ANKRD31: variants seen among roughly 807,000 people sequenced by gnomAD.
ANKRD31 encodes the protein ankyrin repeat domain 31, also known as ankyrin repeat domain-containing protein 31.
A neutral mutation model predicts 186.0 loss-of-function variants in ANKRD31; 147 were observed. The observed-to-expected ratio is 0.79, with a 90% CI of 0.69 to 0.91. The LOEUF (loss-of-function observed/expected upper bound fraction) is 0.91, where lower values mean the gene tolerates loss of function less well. Ranked by LOEUF, ANKRD31 falls within the 40% of genes least tolerant of loss-of-function variation. The probability of loss-of-function intolerance (pLI) is 0.00; values close to 1 mark genes in which losing one functional copy is unlikely to be tolerated. For missense variants in ANKRD31, 1,986 were observed against 2,148.8 expected (o/e 0.92, Z 1.50); for synonymous variants, 673 against 736.4 (o/e 0.91, Z 1.39).
At chr5:75,188,714 A>G in intron 9 of ANKRD31, 66 bp from the exon 10 acceptor site, 1 of 1,353,686 alleles carries the variant, frequency 7.4e-7, no homozygotes, top group Non-Finnish European at 9.9e-7. Context: ...TACGGATTAC[A>G]AACCACATAT....
chr5:75,208,915 TC>T (rs956718614), intron 4 of ANKRD31, among the ~76,000 whole-genome samples: 1 of 152,228 alleles, frequency 6.6e-6, no homozygotes, highest in Admixed American at 6.5e-5. Context: ...CCTGTGATTT[TC>T]CCCCATGTAC....
intron 3 of ANKRD31, among the ~76,000 whole-genome samples, chr5:75,214,278 T>C (rs1756827838): frequency 6.6e-6 from 1 of 152,178 alleles, no homozygotes; most frequent in South Asian, 2.1e-4. Flanking sequence ...AGTTAGGTGC[T>C]AAAGCCCCAT....
intron 3 of ANKRD31, among the ~76,000 whole-genome samples, chr5:75,220,688 C>G (rs924624312): frequency 1.3e-5 from 2 of 150,628 alleles, no homozygotes; most frequent in African/African-American, 4.9e-5. Flanking sequence ...ACACTTTACA[C>G]AAGAAGACAT....
chr5:75,155,465 A>C (rs996423152), intron 11 of ANKRD31, among the ~76,000 whole-genome samples: 6 of 152,130 alleles, frequency 3.9e-5, no homozygotes, highest in Admixed American at 2.6e-4. Flanking sequence ...ACATACTATA[A>C]TTTATTTCAC....
chr5:75,185,504 G>A (rs1213072080), intron 10 of ANKRD31, among the ~76,000 whole-genome samples: 1 of 152,112 alleles, frequency 6.6e-6, no homozygotes, highest in Non-Finnish European at 1.5e-5. Flanking sequence ...GTTGCAGTGA[G>A]CCAAGATCAC....
chr5:75,128,248 G>A (rs920641828), intron 17 of ANKRD31, among the ~76,000 whole-genome samples: 1 of 151,258 alleles, frequency 6.6e-6, no homozygotes, highest in Non-Finnish European at 1.5e-5. Flanking sequence ...TCACACACTG[G>A]GGCCTGGCAG....
intron 22 of ANKRD31, among the ~76,000 whole-genome samples, chr5:75,093,814 G>A (rs1012856721): frequency 2.0e-5 from 3 of 152,000 alleles, no homozygotes; most frequent in African/African-American, 7.2e-5. Flanking sequence ...TAAAAATGAA[G>A]GCAAAATAAA....
At chr5:75,098,513 A>G (rs1188624627) in intron 22 of ANKRD31, among the ~76,000 whole-genome samples, 5 of 151,010 alleles carry the variant, frequency 3.3e-5, no homozygotes, top group East Asian at 1.9e-4. Context: ...TCTATAAATT[A>G]CCTTGGGCAG....
At chr5:75,154,164 T>C in intron 12 of ANKRD31, 37 bp downstream of exon 12, 1 of 1,375,432 alleles carries the variant, frequency 7.3e-7, no homozygotes, top group Non-Finnish European at 9.4e-7. Flanking sequence ...ACTTCACTGA[T>C]GTGACAAATA....
intron 2 of ANKRD31, among the ~76,000 whole-genome samples, chr5:75,228,616 A>G (rs530514613): frequency 6.6e-6 from 1 of 152,326 alleles, no homozygotes; most frequent in South Asian, 2.1e-4. Context: ...AAAGATTAGA[A>G]GGATATATAA....
intron 25 of ANKRD31, among the ~76,000 whole-genome samples, chr5:75,076,157 G>A (rs1744629630): frequency 6.6e-6 from 1 of 152,126 alleles, no homozygotes. Flanking sequence ...CCAATCAACT[G>A]TCCTACAATT....
chr5:75,191,125 G>A (rs140167218), intron 9 of ANKRD31, among the ~76,000 whole-genome samples: 41 of 152,092 alleles, frequency 2.7e-4, no homozygotes, highest in South Asian at 8.3e-4. Context: ...ATTCACTTAC[G>A]CTTTCTTCTA....
At chr5:75,212,916 C>T (rs763587055) in intron 3 of ANKRD31, among the ~76,000 whole-genome samples, 1 of 152,162 alleles carries the variant, frequency 6.6e-6, no homozygotes, top group Non-Finnish European at 1.5e-5. Flanking sequence ...TTCATGATTA[C>T]ACTAATACAA....
intron 17 of ANKRD31, among the ~76,000 whole-genome samples, chr5:75,133,444 A>G (rs1218165316): frequency 4.6e-5 from 7 of 152,240 alleles, no homozygotes; most frequent in Non-Finnish European, 2.9e-5. Flanking sequence ...AAAGGGATCA[A>G]TTCAACAAGA....
chr5:75,131,345 G>A (rs1249110047), intron 17 of ANKRD31, among the ~76,000 whole-genome samples: 1 of 152,144 alleles, frequency 6.6e-6, no homozygotes, highest in South Asian at 2.1e-4. Flanking sequence ...TTAGCAAACA[G>A]CACACCAGGA....
chr5:75,162,423 T>C (rs1200761574), intron 11 of ANKRD31, among the ~76,000 whole-genome samples: 2 of 152,220 alleles, frequency 1.3e-5, no homozygotes, highest in Non-Finnish European at 2.9e-5. Context: ...TGTACCCCCA[T>C]TGTATCTACA....
chr5:75,162,504 T>A (rs958587996), intron 11 of ANKRD31, among the ~76,000 whole-genome samples: 1 of 152,238 alleles, frequency 6.6e-6, no homozygotes, highest in Non-Finnish European at 1.5e-5. Context: ...AGATGAGACT[T>A]CGGACTGTGG....
chr5:75,100,051 T>C (rs545821047), intron 22 of ANKRD31, among the ~76,000 whole-genome samples: 2 of 152,316 alleles, frequency 1.3e-5, no homozygotes, highest in Admixed American at 1.3e-4. Context: ...CTTTCTCTTG[T>C]GGGCATTTAG....
At chr5:75,144,362 A>G (rs779714257) in intron 14 of ANKRD31, among the ~76,000 whole-genome samples, 191 bp from the exon 15 acceptor site, 12 of 152,270 alleles carry the variant, frequency 7.9e-5, no homozygotes, top group Non-Finnish European at 1.8e-4. Flanking sequence ...AATATAGTAG[A>G]TAGTTGAAAT....
Sources: gnomAD v4.1 joint callset for allele counts (sites outside exome capture counted in the v4.1 genomes callset) on GRCh38, gnomAD v4.1.1 for gene constraint, MANE v1.5 for transcripts, NCBI Gene and HGNC (gene_info 2026-07-23, HGNC 2026-07-21) for gene names.